The following TCF3 variants were observed in gnomAD, a reference collection of about 807,000 sequenced individuals.
TCF3 encodes the protein transcription factor E2-alpha.
TCF3 carries 54 observed loss-of-function variants against 72.3 expected under a neutral mutation model. The ratio of observed to expected loss-of-function variants is 0.75; its 90% CI spans 0.60 to 0.94. The LOEUF is 0.94. Ranked by LOEUF, TCF3 falls within the 40% of genes least tolerant of loss-of-function variation. The probability of loss-of-function intolerance (pLI) is 0.00; values close to 1 mark genes in which losing one functional copy is unlikely to be tolerated. For synonymous variants in TCF3, 525 were observed against 412.6 expected (o/e 1.27, Z -3.30); for missense variants, 1,078 against 934.4 (o/e 1.15, Z -2.00).
intron 2 of TCF3, among the ~76,000 whole-genome samples, chr19:1,648,811 T>C (rs1487089575): frequency 1.1e-5 from 1 of 88,538 alleles, no homozygotes; most frequent in Non-Finnish European, 2.2e-5. Flanking sequence ...ACGCTGCCAC[T>C]GGGCATGGGG....
intron 2 of TCF3, among the ~76,000 whole-genome samples, chr19:1,648,854 A>G (rs2066552052): frequency 1.3e-5 from 2 of 150,058 alleles, no homozygotes; most frequent in African/African-American, 4.9e-5. Flanking sequence ...GGACATCTGT[A>G]GACAGGCCAG....
intron 3 of TCF3, among the ~76,000 whole-genome samples, chr19:1,643,955 G>A (rs1041646997): frequency 1.3e-5 from 2 of 152,230 alleles, no homozygotes; most frequent in African/African-American, 2.4e-5. Context: ...GGGACTCCTG[G>A]CGAAGGGTGG....
At chr19:1,613,411 G>GT (rs984910681) in intron 18 of TCF3, among the ~76,000 whole-genome samples, 52 of 152,268 alleles carry the variant, frequency 3.4e-4, no homozygotes, top group African/African-American at 1.3e-3. Context: ...AGCCCACAGG[G>GT]TAACTGCTTC....
rs2061381354 is a variant in TCF3, at chr19:1,614,729, GGTCT to G, written c.1822+552_1822+555del. 6.6e-6 allele frequency among the ~76,000 whole-genome samples: 1 copy of G among 152,080 alleles called. No individual in the cohort carries two copies. Among genetic ancestry groups the G allele is most frequent in the South Asian group, 2.1e-4 (1 of 4,824 alleles). On this transcript the variant is annotated intron_variant, in intron 18 of 18. Coordinates refer to ENST00000262965, the MANE Select transcript of TCF3 (RefSeq NM_003200.5). The surrounding 1 kb of genome is among the most constrained non-coding windows in gnomAD (Gnocchi z 5.6). ...AGCTCACATCTGCGGGTGGGGACAG[GGTCT>G]GTCTGTATCCTTCCTCCCCCTGGCC...
At chr19:1,639,020 C>T (rs1327191775) in intron 3 of TCF3, among the ~76,000 whole-genome samples, 1 of 152,150 alleles carries the variant, frequency 6.6e-6, no homozygotes, top group African/African-American at 2.4e-5. Context: ...AGGGTTGCAA[C>T]CTTCATATCG....
chr19:1,622,696 A>C (rs1360354959), intron 8 of TCF3, among the ~76,000 whole-genome samples: 1 of 152,026 alleles, frequency 6.6e-6, no homozygotes, highest in Non-Finnish European at 1.5e-5. Flanking sequence ...TCTGCCTACT[A>C]AACCTTTTTC....
intron 5 of TCF3, among the ~76,000 whole-genome samples, chr19:1,630,474 G>A (rs984306197): frequency 6.6e-6 from 1 of 152,174 alleles, no homozygotes; most frequent in African/African-American, 2.4e-5. Flanking sequence ...GCCCCTCAGG[G>A]TCCAGGGAAA....
Position 1,620,883 on chromosome 19 carries a change from C to T in TCF3, c.1093+85G>A, listed in dbSNP as rs144550260. The T allele has an allele frequency of 1.7e-3, 2,186 of 1,312,772 alleles. 40 individuals are homozygous for T. The African/African-American group carries it at 0.029, about 18-fold the overall frequency. The allele number at this position is 1,312,772 out of a possible 1,614,324, so 81.3% of individuals were successfully genotyped here. A position where few individuals can be genotyped will look rare whatever the true frequency, so the allele number is the denominator to read the frequency against. ...ACACCAGAACCAGCCTCCCCTCCCC[C>T]GCAAAGCCTTCACAGACCTCAGCCT... On this transcript the variant is annotated intron_variant, in intron 13 of 18. Coordinates refer to ENST00000262965, the MANE Select transcript of TCF3 (RefSeq NM_003200.5).
At chr19:1,611,903 G>A in intron 18 of TCF3, 54 bp from the exon 19 acceptor site, 1 of 1,183,876 alleles carries the variant, frequency 8.4e-7, no homozygotes, top group Non-Finnish European at 1.1e-6. Flanking sequence ...GGAGAAAGAT[G>A]TGAGGTGGGA....
chr19:1,619,241 G>T lies in TCF3; in HGVS notation c.1327-7C>A. The T allele has an allele frequency of 6.3e-7, 1 of 1,589,822 alleles. No individual in the cohort carries two copies. ...CGGGGTGGCTGCCTCCAACCTGCAG[G>T]CGTGGGGAGACGGGTGCATCAGGGG... On this transcript the variant is annotated splice_region_variant and splice_polypyrimidine_tract_variant and intron_variant, in intron 15 of 18. Transcript: ENST00000262965.
chr19:1,630,600 C>A (rs1472738501), intron 5 of TCF3, among the ~76,000 whole-genome samples: 2 of 152,198 alleles, frequency 1.3e-5, no homozygotes, highest in African/African-American at 4.8e-5. Context: ...CAGCTCCCGG[C>A]TTCTAAGCAG....
Position 1,619,139 on chromosome 19 carries a change from G to T in TCF3, c.1422C>A (p.Asp474Glu), listed in dbSNP as rs537417919. Reference sequence around the variant, plus strand: ...TGTAGGAGTCGGGAGGCCGAGACAGGTCAGGGAGGGTGCCTGGCTGGCTGG... The same window carrying T: ...TGTAGGAGTCGGGAGGCCGAGACAGTTCAGGGAGGGTGCCTGGCTGGCTGG... ...ALPSQPGTLP[D>E]LSRPPDSYSG... Residue 474 changes from aspartate to glutamate, a missense_variant, in exon 16 of 19, where the codon GAC (aspartate) becomes GAA (glutamate). Coordinates refer to ENST00000262965, the MANE Select transcript of TCF3 (RefSeq NM_003200.5). 414 of 1,599,928 alleles carry T rather than the reference G, an allele frequency of 2.6e-4. 1 individual carries two copies. In the South Asian group the frequency reaches 4.3e-3, roughly 17 times the overall value.
At position 1,614,565 on chromosome 19, in the gene TCF3, G is replaced by A. The variant is rs1457687874; in HGVS notation, c.1822+720C>T. 6.6e-6 allele frequency among the ~76,000 whole-genome samples: 1 copy of A among 152,190 alleles called. No homozygotes were observed. The highest frequency in any genetic ancestry group is 2.4e-5 in the African/African-American group (1 of 41,442). On this transcript the variant is annotated intron_variant, in intron 18 of 18. Transcript: ENST00000262965. The surrounding 1 kb of genome is among the most constrained non-coding windows in gnomAD (Gnocchi z 5.6). ...AGACTCGGAAACCTTAGAGCTGAGG[G>A]GATAGCGTGTGGGCCGGGCCGGGGC...
intron 18 of TCF3, among the ~76,000 whole-genome samples, chr19:1,613,586 G>A (rs1447654591): frequency 6.6e-6 from 1 of 152,164 alleles, no homozygotes; most frequent in Non-Finnish European, 1.5e-5. Flanking sequence ...GACTCACTGT[G>A]GACAGAGGAG....
chr19:1,625,377 C>G (rs998273985), intron 7 of TCF3, among the ~76,000 whole-genome samples, 199 bp downstream of exon 7: 2 of 152,248 alleles, frequency 1.3e-5, no homozygotes, highest in Non-Finnish European at 2.9e-5. Context: ...TCTCCCTGGA[C>G]GTGCCACGCC....
At chr19:1,650,530 G>A (rs192314163) in intron 1 of TCF3, 105 of 408,622 alleles carry the variant, frequency 2.6e-4, no homozygotes, top group Non-Finnish European at 4.4e-4. Context: ...GAAAAATGGG[G>A]GGAGGGTGTG....
In TCF3 at chr19:1,620,370, C is replaced by T. The variant is rs190674001; in HGVS notation, c.1094-517G>A. ...TCCTGTACCTGCCCCCGACCCCCTGCGGATAAGCAAGCACGTCCTCACAGG... is the reference window on the plus strand; with the variant it reads ...TCCTGTACCTGCCCCCGACCCCCTGTGGATAAGCAAGCACGTCCTCACAGG... On this transcript the variant is annotated intron_variant, in intron 13 of 18. Transcript: ENST00000262965. 5.1e-3 allele frequency among the ~76,000 whole-genome samples: 783 copies of T among 152,260 alleles called. 4 individuals are homozygous for T. The highest frequency in any genetic ancestry group is 6.4e-3 in the Non-Finnish European group (434 of 67,998).
At chr19:1,651,583 G>A (rs1044070587) in intron 1 of TCF3, among the ~76,000 whole-genome samples, 4 of 152,282 alleles carry the variant, frequency 2.6e-5, no homozygotes, top group African/African-American at 7.2e-5. Context: ...GCGTCCCAAG[G>A]ACTTTGAGAG....
At chr19:1,645,838 C>T (rs1312230039) in intron 3 of TCF3, among the ~76,000 whole-genome samples, 1 of 152,172 alleles carries the variant, frequency 6.6e-6, no homozygotes, top group Non-Finnish European at 1.5e-5. Flanking sequence ...AGGAATTGCC[C>T]CTCAGTCCTG....
Sources: allele counts gnomAD v4.1 joint callset (sites outside exome capture counted in the v4.1 genomes callset), GRCh38; gene constraint gnomAD v4.1.1; non-coding constraint Gnocchi (gnomAD v3.1); transcripts MANE v1.5; gene names NCBI Gene and HGNC (gene_info 2026-07-23, HGNC 2026-07-21).